Variants in TMEM239 observed in about 807,000 individuals in gnomAD.
The protein encoded by TMEM239 is transmembrane protein 239.
Under a neutral mutation model 14.6 loss-of-function variants are expected in TMEM239, and 10 were observed. The observed-to-expected ratio is 0.68, with a 90% CI of 0.42 to 1.16. The LOEUF (loss-of-function observed/expected upper bound fraction) is 1.16. Ranked by LOEUF, TMEM239 falls within the 50% of genes most tolerant of loss-of-function variation. TMEM239 has a pLI of 0.00. For synonymous variants in TMEM239, 94 were observed against 89.9 expected (o/e 1.05, Z -0.26); for missense variants, 183 against 194.4 (o/e 0.94, Z 0.35).
rs1363307796 is a variant in TMEM239 at position 2,817,668 on chromosome 20, C to T, written c.*655C>T. 6.5e-6 allele frequency: 1 copy of T among 153,946 alleles called. No homozygotes were observed. Among genetic ancestry groups the T allele is most frequent in the Middle Eastern group, 3.1e-3 (1 of 318 alleles). The allele number at this position is 153,946 out of a possible 1,614,324, so 9.5% of individuals were successfully genotyped here. A position where few individuals can be genotyped will look rare whatever the true frequency, so the allele number is the denominator to read the frequency against. ...ACTGGGGTCAGACAGCACCTACTCA[C>T]TCTCTAAGAATCCCAAGGTCTGTTA... On this transcript the variant is annotated 3_prime_UTR_variant, in exon 2 of 2. Transcript: ENST00000380585.
upstream of TMEM239, chr20:2,815,908 A>G: frequency 1.4e-6 from 1 of 739,926 alleles, no homozygotes. Flanking sequence ...TCACAGTCCT[A>G]TAATATAGGT....
Position 2,816,945 on chromosome 20 carries a change from C to T in TMEM239, c.391C>T (p.Leu131=), listed in dbSNP as rs756411678. Reference sequence around the variant, plus strand: ...CTCCTTCCTGCTGCTCTTCTCCACACTGCTGAGCCTTGTGGGCCTCCTCAC... The same window carrying T: ...CTCCTTCCTGCTGCTCTTCTCCACATTGCTGAGCCTTGTGGGCCTCCTCAC... ...TASFLLLFST[L]LSLVGLLTSM... Residue 131 remains leucine, a synonymous_variant, in exon 2 of 2, where the codon CTG becomes TTG. Transcript: ENST00000380585. The T allele has an allele frequency of 6.5e-7, 1 of 1,538,652 alleles. No individual in the cohort carries two copies. Among genetic ancestry groups the T allele is most frequent in the South Asian group, 1.2e-5 (1 of 84,068 alleles).
chr20:2,818,436 G>A (rs545931905), downstream of TMEM239: 7 of 152,350 alleles, frequency 4.6e-5, no homozygotes, highest in African/African-American at 1.7e-4. Context: ...CAGACCCAAG[G>A]TCCCCCTCTT....
chr20:2,815,877 C>T (rs1375122043), upstream of TMEM239: 1 of 948,012 alleles, frequency 1.1e-6, no homozygotes, highest in Non-Finnish European at 1.6e-6. Flanking sequence ...GGATGATACC[C>T]CTTTCTTCCC....
chr20:2,815,966 A>G (rs569071537), upstream of TMEM239: 4 of 630,384 alleles, frequency 6.3e-6, no homozygotes, highest in Admixed American at 8.8e-5. Context: ...AAGGTAGGAT[A>G]CTAGCCAGGG....
At position 2,816,816 on chromosome 20, in the gene TMEM239, C is replaced by G; in HGVS notation, c.262C>G (p.Leu88Val). The change falls in exon 2 of 2, where the codon CTG becomes GTG. Residue 88 changes from leucine (L) to valine (V), a missense_variant. Coordinates refer to ENST00000380585, the MANE Select transcript of TMEM239 (RefSeq NM_001167670.3). ...TGCACTCTTCACCACTGGCTCCCAC[C>G]TGCTGAGCTCCTTGTGGCCTGTCGT... ...CHALFTTGSH[L>V]LSSLWPVVAA... is the part of the protein sequence containing the mutation. 6.4e-7 allele frequency: 1 copy of G among 1,550,856 alleles called. No homozygotes were observed. The highest frequency in any genetic ancestry group is 1.4e-5 in the African/African-American group (1 of 73,182).
In TMEM239 at chr20:2,816,405, A is replaced by G. The variant is rs1355532035; in HGVS notation, c.-22A>G. 1 of 1,535,688 alleles carries G rather than the reference A, an allele frequency of 6.5e-7. No homozygotes were observed. The highest frequency in any genetic ancestry group is 8.7e-7 in the Non-Finnish European group (1 of 1,146,810). ...TGCAGGAAGCAACATGACTTAGGTA[A>G]CTGCCCAGAGGTAAGTCCCAGTCCC... is the stretch of plus-strand genomic sequence containing the variant. On this transcript the variant is annotated 5_prime_UTR_variant, in exon 1 of 2. Coordinates refer to ENST00000380585, the MANE Select transcript of TMEM239 (RefSeq NM_001167670.3).
At chr20:2,816,164 T>C, upstream of TMEM239, 1 of 623,430 alleles carries the variant, frequency 1.6e-6, no homozygotes, top group Non-Finnish European at 2.8e-6. Context: ...GGGCTTCCCA[T>C]GAGAAAGCAT....
rs1233530158 is a variant in TMEM239 at position 2,816,623 on chromosome 20, C to T, written c.69C>T (p.Pro23=). 1 of 1,539,586 alleles carries T rather than the reference C, an allele frequency of 6.5e-7. No individual in the cohort carries two copies. The highest frequency in any genetic ancestry group is 8.7e-7 in the Non-Finnish European group (1 of 1,146,842). Residue 23 remains proline (P), a synonymous_variant, in exon 2 of 2, where the codon CCC becomes CCT. Coordinates refer to ENST00000380585, the MANE Select transcript of TMEM239 (RefSeq NM_001167670.3). ...GCGAGGGGCCACAGCAGGCAGTGCC[C>T]TGGTCAGCCTGGGTCACGAGGCATG... ...GAGEGPQQAV[P]WSAWVTRHGW...
At chr20:2,819,228 G>C (rs1173633189), downstream of TMEM239, 3 of 152,426 alleles carry the variant, frequency 2.0e-5, no homozygotes, top group Non-Finnish European at 4.4e-5. Flanking sequence ...CCAATGAAGG[G>C]AGAGAGGAGT....
At chr20:2,816,492 C>CG in intron 1 of TMEM239, 52 bp from the exon 2 acceptor site, 2 of 37,152 alleles carry the variant, frequency 5.4e-5, no homozygotes, top group Admixed American at 4.2e-3. Context: ...CCCCTCTCTG[C>CG]CCCCCCCCCC....
downstream of TMEM239, chr20:2,818,448 T>C (rs2088699633): frequency 6.6e-6 from 1 of 152,322 alleles, no homozygotes; most frequent in South Asian, 2.1e-4. Flanking sequence ...CCCCCTCTTT[T>C]GTCCCATAAA....
In TMEM239 at chr20:2,817,637, G is replaced by A. The variant is rs889933640; in HGVS notation, c.*624G>A. On this transcript the variant is annotated 3_prime_UTR_variant, in exon 2 of 2. Transcript: ENST00000380585. ...GTCTGCATCCCCAAGTCTGAGAAAT[G>A]GGCCAACTGGGGTCAGACAGCACCT... 4 of 154,930 alleles carry A rather than the reference G, an allele frequency of 2.6e-5. No individual in the cohort carries two copies. Among genetic ancestry groups the A allele is most frequent in the African/African-American group, 7.2e-5 (3 of 41,466 alleles). The allele number at this position is 154,930 out of a possible 1,614,324, so 9.6% of individuals were successfully genotyped here.
In TMEM239 at chr20:2,816,413, G is replaced by A; in HGVS notation, c.-14G>A. 6.5e-7 allele frequency: 1 copy of A among 1,535,896 alleles called. No individual in the cohort carries two copies. The highest frequency in any genetic ancestry group is 1.2e-5 in the South Asian group (1 of 84,052). ...GCAACATGACTTAGGTAACTGCCCA[G>A]AGGTAAGTCCCAGTCCCTAATTCTG... On this transcript the variant is annotated splice_region_variant and 5_prime_UTR_variant, in exon 1 of 2. Transcript: ENST00000380585.
intron 1 of TMEM239, 49 bp from the exon 2 acceptor site, chr20:2,816,495 C>CAA (rs1568608522): frequency 6.6e-7 from 1 of 1,520,228 alleles, no homozygotes; most frequent in Non-Finnish European, 8.8e-7. Context: ...CTCTCTGCCC[C>CAA]CCCCCCCCAA....
At chr20:2,815,803 T>C, upstream of TMEM239, 1 of 1,571,634 alleles carries the variant, frequency 6.4e-7, no homozygotes, top group African/African-American at 1.3e-5. Flanking sequence ...TCAGTGTCCT[T>C]CAAATATACA....
At position 2,817,121 on chromosome 20, in the gene TMEM239, G is replaced by A; in HGVS notation, c.*108G>A. 1 of 1,268,414 alleles carries A rather than the reference G, an allele frequency of 7.9e-7. No individual in the cohort carries two copies. Among genetic ancestry groups the A allele is most frequent in the South Asian group, 1.4e-5 (1 of 69,002 alleles). 78.6% of individuals were successfully genotyped at this position (1,268,414 alleles called of 1,614,324 possible). ...GATCAGGGCTCCCTGCCTTGGCAGG[G>A]CCCAGACCCCTAGTCCCTAACAGGT... is the stretch of plus-strand genomic sequence containing the variant. On this transcript the variant is annotated 3_prime_UTR_variant, in exon 2 of 2. Coordinates refer to ENST00000380585, the MANE Select transcript of TMEM239 (RefSeq NM_001167670.3).
At position 2,817,443 on chromosome 20, in the gene TMEM239, A is replaced by C; in HGVS notation, c.*430A>C. Reference sequence around the variant, plus strand: ...ACTGGCCTTGCCATTCCTCCCACCAATCCCCTCTTTCCACTTCCAGGAGAA... The same window carrying C: ...ACTGGCCTTGCCATTCCTCCCACCACTCCCCTCTTTCCACTTCCAGGAGAA... On this transcript the variant is annotated 3_prime_UTR_variant, in exon 2 of 2. Coordinates refer to ENST00000380585, the MANE Select transcript of TMEM239 (RefSeq NM_001167670.3). The C allele has an allele frequency of 7.6e-6, 2 of 264,302 alleles. No individual in the cohort carries two copies. The highest frequency in any genetic ancestry group is 7.2e-5 in the East Asian group (1 of 13,810). The allele number at this position is 264,302 out of a possible 1,614,324, so 16.4% of individuals were successfully genotyped here. A position where few individuals can be genotyped will look rare whatever the true frequency, so the allele number is the denominator to read the frequency against.
rs910297280 is a variant in TMEM239 at position 2,817,897 on chromosome 20, C to T, written c.*884C>T. 2.0e-5 allele frequency: 3 copies of T among 152,160 alleles called. No homozygotes were observed. The highest frequency in any genetic ancestry group is 6.5e-5 in the Admixed American group (1 of 15,276). 9.4% of individuals were successfully genotyped at this position (152,160 alleles called of 1,614,324 possible). Reference sequence around the variant, plus strand: ...TTGAGCTCTAAGAACTTTCTGTAGGCGCATAAGATCTTTTGACCCCAAAGA... The same window carrying T: ...TTGAGCTCTAAGAACTTTCTGTAGGTGCATAAGATCTTTTGACCCCAAAGA... On this transcript the variant is annotated 3_prime_UTR_variant, in exon 2 of 2. Transcript: ENST00000380585.
Sources: allele counts gnomAD v4.1 joint callset, GRCh38; gene constraint gnomAD v4.1.1; transcripts MANE v1.5; gene names NCBI Gene and HGNC (gene_info 2026-07-23, HGNC 2026-07-21).